Variants in WNK1 observed in about 807,000 individuals in gnomAD.
The protein encoded by WNK1 is WNK lysine deficient protein kinase 1, also known as serine/threonine-protein kinase WNK1.
In WNK1, 38 loss-of-function variants were observed where a neutral mutation model predicts 222.8. That is an observed-to-expected ratio of 0.17 (90% CI 0.13 to 0.22). The LOEUF is 0.22. Among genes scored for constraint, WNK1 ranks in the 10% least tolerant of loss-of-function variants. The pLI is 1.00. For missense variants in WNK1, 2,348 were observed against 2,918.4 expected, an observed-to-expected ratio of 0.80 and a Z score of 4.50; for synonymous variants, 1,090 against 1,092.9, an observed-to-expected ratio of 1.00 and a Z score of 0.05.
At position 760,657 on chromosome 12, in the gene WNK1, CAG is replaced by C. The variant is rs1306816086; in HGVS notation, c.759+6334_759+6335del. Among the ~76,000 whole-genome samples, 39 of 147,866 alleles carry C rather than the reference CAG, an allele frequency of 2.6e-4. 3 individuals are homozygous for C. Among genetic ancestry groups the C allele is most frequent in the African/African-American group, 7.3e-4 (30 of 41,198 alleles). ...GTCAACTTAATTTCTCAAATCTTAA[CAG>C]GGGAGCTTTTCAGTTTGAAGAAACA... On this transcript the variant is annotated intron_variant, in intron 1 of 27. Transcript: ENST00000315939.
At chr12:859,546 A>AG in intron 6 of WNK1, 82 bp downstream of exon 6, 1 of 1,086,640 alleles carries the variant, frequency 9.2e-7, no homozygotes, top group Non-Finnish European at 1.4e-6. Context: ...CAGTTGATGA[A>AG]GTGCCGTGTG....
At chr12:770,415 T>C (rs1942335506) in intron 1 of WNK1, among the ~76,000 whole-genome samples, 1 of 152,228 alleles carries the variant, frequency 6.6e-6, no homozygotes, top group Non-Finnish European at 1.5e-5. Context: ...TTTCAAAAAA[T>C]TGGATTACAT....
chr12:807,064 A>G (rs1281895422), intron 1 of WNK1, among the ~76,000 whole-genome samples: 1 of 152,112 alleles, frequency 6.6e-6, no homozygotes, highest in Non-Finnish European at 1.5e-5. Context: ...GAAAAGAGGG[A>G]AAGAGGGATA....
Position 754,129 on chromosome 12 carries a change from C to G in WNK1, c.564C>G (p.Gly188=), listed in dbSNP as rs72647371. The change falls in exon 1 of 28, where the codon GGC becomes GGG. Residue 188 remains glycine, a synonymous_variant. Coordinates refer to ENST00000315939, the MANE Select transcript of WNK1 (RefSeq NM_018979.4). ...PPPARSGSGG[G]SAKEPQEERS... Reference sequence around the variant, plus strand: ...CGGCGAGAAGTGGCAGCGGCGGCGGCAGCGCCAAGGAGCCACAGGAGGAAC... The same window carrying G: ...CGGCGAGAAGTGGCAGCGGCGGCGGGAGCGCCAAGGAGCCACAGGAGGAAC... 6.2e-7 allele frequency: 1 copy of G among 1,611,520 alleles called. No homozygotes were observed. The highest frequency in any genetic ancestry group is 8.5e-7 in the Non-Finnish European group (1 of 1,179,686).
intron 25 of WNK1, among the ~76,000 whole-genome samples, chr12:898,732 C>T (rs780032697): frequency 6.7e-6 from 1 of 149,790 alleles, no homozygotes; most frequent in African/African-American, 2.4e-5. Context: ...CACTACCATG[C>T]CCTGCTAACT....
intron 21 of WNK1, 49 bp downstream of exon 21, chr12:889,272 A>G: frequency 2.0e-6 from 3 of 1,475,738 alleles, no homozygotes; most frequent in Non-Finnish European, 2.8e-6. Flanking sequence ...CTAATATATT[A>G]TATGCCTGGG....
chr12:868,108 G>C (rs1592095984), intron 8 of WNK1: 1 of 1,613,972 alleles, frequency 6.2e-7, no homozygotes, highest in East Asian at 2.2e-5. Context: ...CAACTAACTG[G>C]ACACCAGAGG....
At chr12:877,052 ATTTTTTTTTTTTTTT>A (rs34011207) in intron 9 of WNK1, among the ~76,000 whole-genome samples, 3 of 77,104 alleles carry the variant, frequency 3.9e-5, no homozygotes, top group Admixed American at 3.6e-4. Flanking sequence ...CCTAAACTTC[ATTTTTTTTTTTTTTT>A]TTTTTTTTTT....
chr12:865,759 T>C (rs1951614116), intron 8 of WNK1, among the ~76,000 whole-genome samples: 1 of 152,166 alleles, frequency 6.6e-6, no homozygotes, highest in South Asian at 2.1e-4. Flanking sequence ...TTCTCCTCAC[T>C]TTATTCTAAG....
Position 883,805 on chromosome 12 carries a change from C to G in WNK1, c.3695C>G (p.Pro1232Arg). Residue 1232 changes from proline to arginine, a missense_variant, in exon 17 of 28, where the codon CCT becomes CGT. Pro to Arg is a moderately radical substitution (Grantham distance 103). Around this residue, in one of 13 missense-constraint regions of WNK1, gnomAD observed 1,144 missense variants for 1,273.6 expected, o/e 0.90. Coordinates refer to ENST00000315939, the MANE Select transcript of WNK1 (RefSeq NM_018979.4). ...KLEGEFKQPIPASSMPQQIGI... is the reference protein window; with the variant it reads ...KLEGEFKQPIRASSMPQQIGI... ...GAAGGAGAGTTCAAACAACCAATTCCTGCGTCTTCCATGCCACAGCAAATA... is the reference window on the plus strand; with the variant it reads ...GAAGGAGAGTTCAAACAACCAATTCGTGCGTCTTCCATGCCACAGCAAATA... The G allele has an allele frequency of 1.2e-6, 2 of 1,614,074 alleles. No homozygotes were observed. Among genetic ancestry groups the G allele is most frequent in the Non-Finnish European group, 1.7e-6 (2 of 1,180,042 alleles).
chr12:842,147 G>A (rs995966373), intron 4 of WNK1, among the ~76,000 whole-genome samples: 2 of 152,164 alleles, frequency 1.3e-5, no homozygotes, highest in Non-Finnish European at 2.9e-5. Context: ...CAGACATTAT[G>A]TATATTTGGG....
At chr12:838,241 A>G (rs1429558179) in intron 4 of WNK1, among the ~76,000 whole-genome samples, 1 of 152,068 alleles carries the variant, frequency 6.6e-6, no homozygotes, top group Non-Finnish European at 1.5e-5. Flanking sequence ...ATCTGTTTTT[A>G]CTTCCTTTAG....
At position 861,236 on chromosome 12, in the gene WNK1, C is replaced by A. The variant is rs752025827; in HGVS notation, c.1844C>A (p.Thr615Asn). 4.3e-6 allele frequency: 7 copies of A among 1,614,176 alleles called. No individual in the cohort carries two copies. The highest frequency in any genetic ancestry group is 4.2e-6 in the Non-Finnish European group (5 of 1,180,018). The change falls in exon 7 of 28, where the codon ACT becomes AAT. Residue 615 changes from threonine to asparagine, a missense_variant. Physicochemically the swap from Thr to Asn is moderately conservative, Grantham distance 65 (BLOSUM62 0). Transcript: ENST00000315939. ...QLPSASTGIP[T>N]ASTTSASVST... ...CCTTCTGCTAGCACCGGCATACCTA[C>A]TGCTTCTACCACTTCAGCTTCAGTT...
At chr12:788,694 C>A (rs1317338450) in intron 1 of WNK1, among the ~76,000 whole-genome samples, 1 of 151,944 alleles carries the variant, frequency 6.6e-6, no homozygotes. Context: ...TGAGACAAGC[C>A]TGGCCAAAAT....
At chr12:790,925 T>C (rs1167509682) in intron 1 of WNK1, among the ~76,000 whole-genome samples, 1 of 152,168 alleles carries the variant, frequency 6.6e-6, no homozygotes, top group Non-Finnish European at 1.5e-5. Flanking sequence ...ATTTACTTGA[T>C]GATTTGACTA....
At chr12:867,340 G>A (rs1434542554) in intron 8 of WNK1, among the ~76,000 whole-genome samples, 1 of 152,136 alleles carries the variant, frequency 6.6e-6, no homozygotes, top group Non-Finnish European at 1.5e-5. Context: ...TTTCTGGTTA[G>A]AAGGCATACT....
rs397957357 is a variant in WNK1, at chr12:758,373, C to CTTTTTTTTTT, written c.759+4065_759+4074dup. The stretch of plus-strand genomic sequence containing the variant: ...CATCATTTATTTCTTTGCTATAGTT[C>CTTTTTTTTTT]TTTTTTTTTTTTTTTTTTTTTTTTT... On this transcript the variant is annotated intron_variant, in intron 1 of 27. Coordinates refer to ENST00000315939, the MANE Select transcript of WNK1 (RefSeq NM_018979.4). Among the ~76,000 whole-genome samples the CTTTTTTTTTT allele has an allele frequency of 7.3e-4, 47 of 64,726 alleles. 5 individuals carry two copies. Among genetic ancestry groups the CTTTTTTTTTT allele is most frequent in the African/African-American group, 9.6e-4 (16 of 16,732 alleles). The allele number at this position is 64,726 out of a possible 152,430, so 42.5% of individuals were successfully genotyped here.
chr12:865,196 C>A (rs1231635111), intron 8 of WNK1: 1 of 1,535,820 alleles, frequency 6.5e-7, no homozygotes, highest in Non-Finnish European at 8.7e-7. Context: ...TGCTCTTCCA[C>A]CCCACCGCCA....
intron 4 of WNK1, among the ~76,000 whole-genome samples, chr12:837,729 C>G (rs902891703): frequency 1.3e-5 from 2 of 152,050 alleles, no homozygotes; most frequent in African/African-American, 4.8e-5. Flanking sequence ...CACACAGACT[C>G]AAATTAGAAG....
Sources: allele counts gnomAD v4.1 joint callset (sites outside exome capture counted in the v4.1 genomes callset), GRCh38; gene constraint gnomAD v4.1.1; regional missense constraint gnomAD v4.1.1; transcripts MANE v1.5; gene names NCBI Gene and HGNC (gene_info 2026-07-23, HGNC 2026-07-21).